SLC2A14: variants seen among roughly 807,000 people sequenced by gnomAD.
SLC2A14 encodes solute carrier family 2, facilitated glucose transporter member 14.
A neutral mutation model predicts 43.0 loss-of-function variants in SLC2A14; 13 were observed. The ratio of observed to expected loss-of-function variants is 0.30; its 90% CI spans 0.20 to 0.48. The LOEUF (loss-of-function observed/expected upper bound fraction) is 0.48, where lower values mean the gene tolerates loss of function less well. Among genes scored for constraint, SLC2A14 ranks in the 20% least tolerant of loss-of-function variants. The pLI is 0.99. For synonymous variants in SLC2A14, 190 were observed against 233.8 expected (o/e 0.81, Z 1.71); for missense variants, 428 against 620.4 (o/e 0.69, Z 3.29).
chr12:7,845,127 C>A (rs950478557), intron 2 of SLC2A14, among the ~76,000 whole-genome samples: 1 of 152,078 alleles, frequency 6.6e-6, no homozygotes, highest in Non-Finnish European at 1.5e-5. Flanking sequence ...ATTTCACTAG[C>A]CTCGTGAATG....
In SLC2A14 at chr12:7,814,067, C is replaced by T. The variant is rs1863227817; in HGVS notation, c.*249G>A. 2.0e-6 allele frequency: 1 copy of T among 505,826 alleles called. No individual in the cohort carries two copies. Among genetic ancestry groups the T allele is most frequent in the East Asian group, 3.7e-5 (1 of 27,346 alleles). 31.3% of individuals were successfully genotyped at this position (505,826 alleles called of 1,614,324 possible). A position where few individuals can be genotyped will look rare whatever the true frequency, so the allele number is the denominator to read the frequency against. On this transcript the variant is annotated 3_prime_UTR_variant, in exon 11 of 11. Coordinates refer to ENST00000431042, the MANE Select transcript of SLC2A14 (RefSeq NM_001286234.2). ...GTTGTCATGTGCCAAGCGGCCAATC[C>T]CTCCTGAAATGAAGGTAGGTTCACT...
intron 7 of SLC2A14, among the ~76,000 whole-genome samples, chr12:7,823,503 A>G (rs1166224629): frequency 1.3e-5 from 2 of 152,134 alleles, no homozygotes. Context: ...CGGGCAGATC[A>G]CCTTAGGTTG....
chr12:7,821,993 T>G (rs1863956433), intron 7 of SLC2A14, among the ~76,000 whole-genome samples: 1 of 151,550 alleles, frequency 6.6e-6, no homozygotes, highest in Non-Finnish European at 1.5e-5. Context: ...CCTGGCTAAT[T>G]TTTTGTATTT....
upstream of SLC2A14, among the ~76,000 whole-genome samples, chr12:7,875,947 G>C (rs1945456825): frequency 6.6e-6 from 1 of 151,876 alleles, no homozygotes; most frequent in Non-Finnish European, 1.5e-5. Flanking sequence ...CTACACTCCA[G>C]CCTGGGCTAC....
intron 10 of SLC2A14, 80 bp downstream of exon 10, chr12:7,817,751 T>TATAGATATATAGATAGATAG: frequency 8.7e-7 from 1 of 1,148,954 alleles, no homozygotes; most frequent in Non-Finnish European, 1.2e-6. Context: ...TATATATATA[T>TATAGATATATAGATAGATAG]ATAGATAGAT....
chr12:7,869,031 C>T (rs1215544510), intron 2 of SLC2A14, among the ~76,000 whole-genome samples: 1 of 151,892 alleles, frequency 6.6e-6, no homozygotes, highest in African/African-American at 2.4e-5. Flanking sequence ...GTAATCCCAG[C>T]TACTCGGGAG....
At chr12:7,848,877 G>A (rs993975826) in intron 2 of SLC2A14, among the ~76,000 whole-genome samples, 1 of 149,228 alleles carries the variant, frequency 6.7e-6, no homozygotes, top group Non-Finnish European at 1.5e-5. Context: ...CTTTTTTTGA[G>A]ACAGAGTCTT....
intron 2 of SLC2A14, among the ~76,000 whole-genome samples, chr12:7,862,945 C>T (rs528342664): frequency 2.0e-5 from 3 of 152,084 alleles, no homozygotes; most frequent in Admixed American, 6.5e-5. Context: ...ACAGGCCACT[C>T]GGCTCTACCA....
In SLC2A14 at chr12:7,826,982, TCC is replaced by T. The variant is rs1316686654; in HGVS notation, c.864+511_864+512del. Among the ~76,000 whole-genome samples, 56 of 9,142 alleles carry T rather than the reference TCC, an allele frequency of 6.1e-3. 1 individual carries two copies. In the East Asian group the frequency reaches 0.096, roughly 16 times the overall value. The allele number at this position is 9,142 out of a possible 152,430, so 6.0% of individuals were successfully genotyped here. A position where few individuals can be genotyped will look rare whatever the true frequency, so the allele number is the denominator to read the frequency against. ...CTCTCTCTTTCTCTCTCTCTTTCTC[TCC>T]TTTCTCTCTTTCTCTCCTTTCTCTC... is the stretch of plus-strand genomic sequence containing the variant. On this transcript the variant is annotated intron_variant, in intron 7 of 10. Coordinates refer to ENST00000431042, the MANE Select transcript of SLC2A14 (RefSeq NM_001286234.2).
upstream of SLC2A14, chr12:7,873,008 C>G: frequency 2.0e-6 from 2 of 985,582 alleles, no homozygotes; most frequent in South Asian, 9.4e-5. Context: ...GTAAGCAAGA[C>G]AAGCACCCAC....
Position 7,821,259 on chromosome 12 carries a change from T to C in SLC2A14, c.931A>G (p.Ser311Gly), listed in dbSNP as rs200902192. ...AAGATAGTATTAACCACACCCGCGCTGATGGTGGCATAGATGGGCTGTTGA... is the reference window on the plus strand; with the variant it reads ...AAGATAGTATTAACCACACCCGCGCCGATGGTGGCATAGATGGGCTGTTGA... ...GVQQPIYATI[S>G]AGVVNTIFTL... Residue 311 changes from serine (S) to glycine (G), a missense_variant, in exon 8 of 11, where the codon AGC becomes GGC. Physicochemically the swap from Ser to Gly is moderately conservative, Grantham distance 56 (BLOSUM62 0). Around this residue, in one of 4 missense-constraint regions of SLC2A14, gnomAD observed 185 missense variants for 275.4 expected, o/e 0.67. Coordinates refer to ENST00000431042, the MANE Select transcript of SLC2A14 (RefSeq NM_001286234.2). 750 of 1,613,904 alleles carry C rather than the reference T, an allele frequency of 4.6e-4. 11 individuals are homozygous for C. In the South Asian group the frequency reaches 7.8e-3, roughly 17 times the overall value.
In SLC2A14 at chr12:7,820,947, C is replaced by T. The variant is rs773594154; in HGVS notation, c.969+274G>A. Among the ~76,000 whole-genome samples the T allele has an allele frequency of 1.4e-4, 22 of 151,990 alleles. No homozygotes were observed. The South Asian group carries it at 4.2e-3, about 29-fold the overall frequency. On this transcript the variant is annotated intron_variant, in intron 8 of 10. Coordinates refer to ENST00000431042, the MANE Select transcript of SLC2A14 (RefSeq NM_001286234.2). Reference sequence around the variant, plus strand: ...ACTAAAAATACAAAAATGAGTTGGGCGTGGTGGCGCACACCTGTATCCGAG... The same window carrying T: ...ACTAAAAATACAAAAATGAGTTGGGTGTGGTGGCGCACACCTGTATCCGAG...
At chr12:7,822,551 C>T (rs1864006356) in intron 7 of SLC2A14, among the ~76,000 whole-genome samples, 1 of 151,984 alleles carries the variant, frequency 6.6e-6, no homozygotes, top group Admixed American at 6.6e-5. Flanking sequence ...CGCCTGTAGT[C>T]CCAGCTACTG....
chr12:7,842,363 T>C (rs1866025303), intron 2 of SLC2A14, among the ~76,000 whole-genome samples: 1 of 152,174 alleles, frequency 6.6e-6, no homozygotes, highest in Non-Finnish European at 1.5e-5. Flanking sequence ...TGTAGATGCA[T>C]GATTTCAACT....
intron 1 of SLC2A14, among the ~76,000 whole-genome samples, chr12:7,885,144 T>A (rs1308076893): frequency 6.6e-6 from 1 of 152,026 alleles, no homozygotes; most frequent in African/African-American, 2.4e-5. Flanking sequence ...AGTCAGAAAT[T>A]TTTTTTTCCA....
chr12:7,839,429 G>A (rs1865735857), intron 2 of SLC2A14, among the ~76,000 whole-genome samples: 1 of 152,172 alleles, frequency 6.6e-6, no homozygotes, highest in East Asian at 1.9e-4. Context: ...GGGCAGAGTG[G>A]CAGGAGAAAT....
intron 7 of SLC2A14, among the ~76,000 whole-genome samples, chr12:7,821,825 C>CTTTTTT (rs71038774): frequency 2.4e-4 from 30 of 127,198 alleles, no homozygotes; most frequent in African/African-American, 3.3e-4. Flanking sequence ...GTATTTCTTT[C>CTTTTTT]TTTTTTTTTT....
intron 10 of SLC2A14, among the ~76,000 whole-genome samples, chr12:7,816,938 T>G (rs1863504825): frequency 6.6e-6 from 1 of 151,928 alleles, no homozygotes; most frequent in Non-Finnish European, 1.5e-5. Flanking sequence ...AACTCTTGAC[T>G]GCAAGTGATC....
At chr12:7,875,971 G>A (rs1181322577), upstream of SLC2A14, among the ~76,000 whole-genome samples, 6 of 147,510 alleles carry the variant, frequency 4.1e-5, 1 homozygote, top group East Asian at 2.0e-4. Flanking sequence ...ACAAGACTTC[G>A]TCCCAGAAAA....
Sources: allele counts gnomAD v4.1 joint callset (sites outside exome capture counted in the v4.1 genomes callset), GRCh38; gene constraint gnomAD v4.1.1; regional missense constraint gnomAD v4.1.1; transcripts MANE v1.5; gene names NCBI Gene and HGNC (gene_info 2026-07-23, HGNC 2026-07-21).